DUSP22: variants seen among roughly 807,000 people sequenced by gnomAD.
The protein encoded by DUSP22 is dual specificity protein phosphatase 22.
A neutral mutation model predicts 24.5 loss-of-function variants in DUSP22; 24 were observed. The observed-to-expected ratio is 0.98, with a 90% CI of 0.71 to 1.38. The LOEUF (loss-of-function observed/expected upper bound fraction) is 1.38, where lower values mean the gene tolerates loss of function less well. DUSP22 is among the 40% of genes most tolerant of loss of function. The pLI is 0.00. For synonymous variants in DUSP22, 160 were observed against 106.4 expected, an observed-to-expected ratio of 1.50 and a Z score of -3.10; for missense variants, 330 against 269.2, an observed-to-expected ratio of 1.23 and a Z score of -1.58.
intron 3 of DUSP22, among the ~76,000 whole-genome samples, chr6:312,633 T>TGATGTGTA (rs1758160646): frequency 1.3e-5 from 2 of 152,414 alleles, no homozygotes; most frequent in South Asian, 4.1e-4. Flanking sequence ...TGTGTGGTTG[T>TGATGTGTA]GATGTGTATG....
Position 349,102 on chromosome 6 carries a change from G to T in DUSP22, c.*151G>T. The T allele has an allele frequency of 6.9e-7, 1 of 1,454,864 alleles. No homozygotes were observed. The allele number at this position is 1,454,864 out of a possible 1,614,324, so 90.1% of individuals were successfully genotyped here. On this transcript the variant is annotated 3_prime_UTR_variant, in exon 7 of 7. Transcript: ENST00000419235. ...TCCTTCCCCCAAGCAACACCGCCCA[G>T]CCCTGCTCCAGGCCCCTGCACTCCG... is the stretch of plus-strand genomic sequence containing the variant.
intron 1 of DUSP22, among the ~76,000 whole-genome samples, chr6:293,068 C>G (rs1757169592): frequency 6.6e-6 from 1 of 152,284 alleles, no homozygotes; most frequent in African/African-American, 2.4e-5. Context: ...AGTCCTAAGT[C>G]CTGAGCTGTT....
intron 3 of DUSP22, among the ~76,000 whole-genome samples, chr6:322,642 G>T (rs1377382286): frequency 2.0e-5 from 3 of 152,294 alleles, no homozygotes; most frequent in African/African-American, 7.2e-5. Context: ...ACAGGCTTAG[G>T]TTGGTAGAAA....
At chr6:339,234 A>G (rs1759489424) in intron 4 of DUSP22, among the ~76,000 whole-genome samples, 1 of 152,298 alleles carries the variant, frequency 6.6e-6, no homozygotes, top group South Asian at 2.1e-4. Context: ...CTTTGGAAAT[A>G]CTCACTTGCT....
chr6:327,077 G>C (rs1758914666), intron 3 of DUSP22, among the ~76,000 whole-genome samples: 1 of 152,306 alleles, frequency 6.6e-6, no homozygotes, highest in African/African-American at 2.4e-5. Flanking sequence ...GAATCAGTGG[G>C]CACAGCTGTG....
At chr6:345,501 C>T (rs1340224512) in intron 4 of DUSP22, among the ~76,000 whole-genome samples, 3 of 152,300 alleles carry the variant, frequency 2.0e-5, no homozygotes, top group Non-Finnish European at 4.4e-5. Flanking sequence ...TGAGCCACCG[C>T]ACCCAGCCAT....
At chr6:299,879 C>T (rs889228758) in intron 1 of DUSP22, among the ~76,000 whole-genome samples, 2 of 152,298 alleles carry the variant, frequency 1.3e-5, no homozygotes, top group Admixed American at 1.3e-4. Flanking sequence ...CCTGGCACAG[C>T]TCGTATCAGG....
chr6:326,708 T>A (rs1298812398), intron 3 of DUSP22, among the ~76,000 whole-genome samples: 5 of 152,306 alleles, frequency 3.3e-5, no homozygotes, highest in African/African-American at 1.2e-4. Flanking sequence ...GTTCTGGCAC[T>A]GCACTTAGTA....
intron 3 of DUSP22, among the ~76,000 whole-genome samples, chr6:318,917 G>A (rs547499542): frequency 6.6e-6 from 1 of 152,308 alleles, no homozygotes; most frequent in Non-Finnish European, 1.5e-5. Context: ...TAAGTCCACT[G>A]TTAAGAAAAG....
chr6:339,737 G>A (rs1270395742), intron 4 of DUSP22, among the ~76,000 whole-genome samples: 12 of 152,408 alleles, frequency 7.9e-5, no homozygotes, highest in Admixed American at 3.3e-4. Flanking sequence ...TGAAAACATC[G>A]GTAAAACGTC....
chr6:322,835 CGGG>C (rs61295342), intron 3 of DUSP22, among the ~76,000 whole-genome samples: 3 of 72,356 alleles, frequency 4.1e-5, no homozygotes, highest in Admixed American at 4.0e-4. Context: ...CTTGGTGGGG[CGGG>C]GGGGGGCCTT....
chr6:296,848 T>C (rs1196480372), intron 1 of DUSP22, among the ~76,000 whole-genome samples: 3 of 152,428 alleles, frequency 2.0e-5, no homozygotes, highest in Admixed American at 2.0e-4. Context: ...CATCTTGCCC[T>C]CCACTGACTG....
chr6:309,495 T>C (rs1156803453), intron 2 of DUSP22, among the ~76,000 whole-genome samples: 1 of 152,308 alleles, frequency 6.6e-6, no homozygotes, highest in Non-Finnish European at 1.5e-5. Context: ...GTCTTAAAAG[T>C]GGTATTTTAA....
In DUSP22 at chr6:350,577, G is replaced by A. The variant is rs1232663993; in HGVS notation, c.*1626G>A. ...TGCCTGATTCCGCGCAGGTGCACAG[G>A]CCCCGGATGTACACCCGGAAAGGGG... On this transcript the variant is annotated 3_prime_UTR_variant, in exon 7 of 7. Coordinates refer to ENST00000419235, the MANE Select transcript of DUSP22 (RefSeq NM_001286555.3). 7.1e-7 allele frequency: 1 copy of A among 1,410,590 alleles called. No homozygotes were observed. 87.4% of individuals were successfully genotyped at this position (1,410,590 alleles called of 1,614,324 possible).
At chr6:345,200 G>A (rs1026637644) in intron 4 of DUSP22, among the ~76,000 whole-genome samples, 1 of 152,260 alleles carries the variant, frequency 6.6e-6, no homozygotes, top group African/African-American at 2.4e-5. Flanking sequence ...GTAAACCACA[G>A]GAAGAATAAA....
At chr6:329,415 T>G (rs1360395289) in intron 3 of DUSP22, among the ~76,000 whole-genome samples, 1 of 152,304 alleles carries the variant, frequency 6.6e-6, no homozygotes. Flanking sequence ...TGAATGTACT[T>G]AAGGCCACTG....
At chr6:311,313 T>C (rs1444379780) in intron 2 of DUSP22, among the ~76,000 whole-genome samples, 5 of 152,296 alleles carry the variant, frequency 3.3e-5, no homozygotes, top group African/African-American at 7.2e-5. Flanking sequence ...CCTGATCATT[T>C]AAAGGGACTC....
At chr6:338,867 C>T (rs1432550345) in intron 4 of DUSP22, among the ~76,000 whole-genome samples, 2 of 152,422 alleles carry the variant, frequency 1.3e-5, no homozygotes, top group East Asian at 1.9e-4. Flanking sequence ...ACCTTTGAGA[C>T]TAGCTGTTGT....
At chr6:293,709 C>T (rs1389265551) in intron 1 of DUSP22, among the ~76,000 whole-genome samples, 2 of 152,242 alleles carry the variant, frequency 1.3e-5, no homozygotes, top group African/African-American at 2.4e-5. Context: ...TTTATTGTGT[C>T]CTGGTTACCC....
Sources: allele counts gnomAD v4.1 joint callset (sites outside exome capture counted in the v4.1 genomes callset), GRCh38; gene constraint gnomAD v4.1.1; transcripts MANE v1.5; gene names NCBI Gene and HGNC (gene_info 2026-07-23, HGNC 2026-07-21).